Variants in KIF6 observed in about 807,000 individuals in gnomAD.
KIF6 encodes the protein kinesin family member 6.
A neutral mutation model predicts 112.7 loss-of-function variants in KIF6; 106 were observed. The observed-to-expected ratio is 0.94, with a 90% CI of 0.80 to 1.11. The LOEUF (loss-of-function observed/expected upper bound fraction) is 1.11, where lower values mean the gene tolerates loss of function less well. Among genes scored for constraint, KIF6 ranks in the 50% least tolerant of loss-of-function variants. KIF6 has a pLI of 0.00. For synonymous variants in KIF6, 339 were observed against 339.9 expected (o/e 1.00, Z 0.03); for missense variants, 929 against 964.0 (o/e 0.96, Z 0.48).
At chr6:39,652,346 C>T (rs1376053154) in intron 3 of KIF6, among the ~76,000 whole-genome samples, 5 of 151,952 alleles carry the variant, frequency 3.3e-5, no homozygotes, top group African/African-American at 1.2e-4. Flanking sequence ...CTGACCAACA[C>T]GGTGAAACCC....
At chr6:39,363,441 C>T (rs553760600) in intron 16 of KIF6, among the ~76,000 whole-genome samples, 1 of 152,086 alleles carries the variant, frequency 6.6e-6, no homozygotes, top group South Asian at 2.1e-4. Flanking sequence ...CTGCGTGTGT[C>T]TGCGTCCCTG....
chr6:39,454,830 A>G (rs10947813), intron 13 of KIF6, among the ~76,000 whole-genome samples: 8,137 of 152,040 alleles, frequency 0.054, 408 homozygotes, highest in East Asian at 0.24. Flanking sequence ...AAAACGGCGC[A>G]CCACGAGACT....
intron 7 of KIF6, among the ~76,000 whole-genome samples, chr6:39,593,636 A>G (rs1465586091): frequency 6.6e-6 from 1 of 152,216 alleles, no homozygotes; most frequent in Non-Finnish European, 1.5e-5. Flanking sequence ...TCGGTTACAG[A>G]GACCAAGGGG....
chr6:39,428,981 G>A (rs1005743781), intron 14 of KIF6, among the ~76,000 whole-genome samples: 4 of 152,198 alleles, frequency 2.6e-5, no homozygotes, highest in Non-Finnish European at 2.9e-5. Context: ...AAACATGCAC[G>A]AGAACTTCTT....
chr6:39,526,377 C>T (rs1055264241), intron 13 of KIF6, among the ~76,000 whole-genome samples: 16 of 152,188 alleles, frequency 1.1e-4, no homozygotes, highest in African/African-American at 3.4e-4. Flanking sequence ...CAGAAACCCT[C>T]AACTATCCAG....
chr6:39,677,455 A>G (rs181197748), intron 3 of KIF6, among the ~76,000 whole-genome samples: 1 of 152,250 alleles, frequency 6.6e-6, no homozygotes, highest in East Asian at 1.9e-4. Flanking sequence ...CCAAATGGAT[A>G]AACGTGGAAT....
At chr6:39,390,215 A>T (rs1471379705) in intron 15 of KIF6, among the ~76,000 whole-genome samples, 1 of 152,118 alleles carries the variant, frequency 6.6e-6, no homozygotes, top group Non-Finnish European at 1.5e-5. Flanking sequence ...ATATCTCAAG[A>T]TCTTTCAGAG....
intron 15 of KIF6, among the ~76,000 whole-genome samples, chr6:39,401,277 CCT>C (rs1172088180): frequency 3.3e-5 from 5 of 152,232 alleles, no homozygotes; most frequent in Admixed American, 6.5e-5. Context: ...CTCCCATTTT[CCT>C]CTGTCTTCTT....
At chr6:39,653,475 T>C (rs929661697) in intron 3 of KIF6, among the ~76,000 whole-genome samples, 1 of 152,166 alleles carries the variant, frequency 6.6e-6, no homozygotes, top group Non-Finnish European at 1.5e-5. Context: ...TACCAGAGAC[T>C]TGGGGCACAG....
At position 39,588,358 on chromosome 6, in the gene KIF6, C is replaced by T. The variant is rs373129565; in HGVS notation, c.847-1954G>A. Among the ~76,000 whole-genome samples, 96 of 152,152 alleles carry T rather than the reference C, an allele frequency of 6.3e-4. No individual in the cohort carries two copies. In the East Asian group the frequency reaches 0.017, roughly 27 times the overall value. ...CCTCCGGAGTAGCTGGGATTACAGGCGTGCACCACCACACCCAGCTAATTT... is the reference window on the plus strand; with the variant it reads ...CCTCCGGAGTAGCTGGGATTACAGGTGTGCACCACCACACCCAGCTAATTT... On this transcript the variant is annotated intron_variant, in intron 7 of 22. Transcript: ENST00000287152.
chr6:39,362,631 G>A, intron 16 of KIF6, 113 bp from the exon 17 acceptor site: 1 of 812,572 alleles, frequency 1.2e-6, no homozygotes, highest in South Asian at 1.5e-5. Context: ...GAGCCTCTGT[G>A]AGTTCCTTCT....
At chr6:39,565,270 C>T (rs955309539) in intron 10 of KIF6, among the ~76,000 whole-genome samples, 2 of 152,130 alleles carry the variant, frequency 1.3e-5, no homozygotes, top group African/African-American at 2.4e-5. Flanking sequence ...TGATCATTTA[C>T]TTGCCTTAAT....
intron 5 of KIF6, among the ~76,000 whole-genome samples, chr6:39,624,382 T>C (rs1783984370): frequency 6.6e-6 from 1 of 152,224 alleles, no homozygotes; most frequent in Non-Finnish European, 1.5e-5. Context: ...AGTTGAGCTA[T>C]AATAGACGTG....
intron 14 of KIF6, among the ~76,000 whole-genome samples, chr6:39,429,625 T>G (rs1158486802): frequency 6.6e-6 from 1 of 152,192 alleles, no homozygotes; most frequent in Non-Finnish European, 1.5e-5. Context: ...AAAAATGTTT[T>G]TAGGCCAGGC....
intron 3 of KIF6, among the ~76,000 whole-genome samples, chr6:39,703,630 A>T (rs1023711952): frequency 6.6e-6 from 1 of 152,210 alleles, no homozygotes; most frequent in African/African-American, 2.4e-5. Flanking sequence ...GTATAAAAGT[A>T]AGGCTCAAAT....
In KIF6 at chr6:39,333,784, G is replaced by A. The variant is rs959001875; in HGVS notation, c.*2748C>T. On this transcript the variant is annotated 3_prime_UTR_variant, in exon 23 of 23. Transcript: ENST00000287152. Reference sequence around the variant, plus strand: ...CTCCGTCCACCCTACTTCTTGTCAAGGGATTGGTAGAGCCAGTTGAATTCT... The same window carrying A: ...CTCCGTCCACCCTACTTCTTGTCAAAGGATTGGTAGAGCCAGTTGAATTCT... The A allele has an allele frequency of 4.6e-5, 7 of 152,208 alleles. No homozygotes were observed. The highest frequency in any genetic ancestry group is 1.4e-4 in the African/African-American group (6 of 41,442). 9.4% of individuals were successfully genotyped at this position (152,208 alleles called of 1,614,324 possible). A position where few individuals can be genotyped will look rare whatever the true frequency, so the allele number is the denominator to read the frequency against.
At position 39,342,616 on chromosome 6, in the gene KIF6, TTTTTATTTTTTTTTA is replaced by T. The variant is rs1389141376; in HGVS notation, c.2428+1078_2428+1092del. The stretch of plus-strand genomic sequence containing the variant: ...CCAGTTTTTTATTTTTTTTTATTTT[TTTTTATTTTTTTTTA>T]TTTTTAGACAAGGAAACTGAGAATG... On this transcript the variant is annotated intron_variant, in intron 22 of 22. Coordinates refer to ENST00000287152, the MANE Select transcript of KIF6 (RefSeq NM_145027.6). The surrounding 1 kb of genome is among the most constrained non-coding windows in gnomAD (Gnocchi z 4.7). Among the ~76,000 whole-genome samples, 27 of 132,602 alleles carry T rather than the reference TTTTTATTTTTTTTTA, an allele frequency of 2.0e-4. 2 individuals are homozygous for T. Among genetic ancestry groups the T allele is most frequent in the African/African-American group, 7.4e-4 (21 of 28,308 alleles). The allele number at this position is 132,602 out of a possible 152,430, so 87.0% of individuals were successfully genotyped here. A position where few individuals can be genotyped will look rare whatever the true frequency, so the allele number is the denominator to read the frequency against.
chr6:39,587,133 A>G (rs1392365736), intron 7 of KIF6, among the ~76,000 whole-genome samples: 1 of 152,244 alleles, frequency 6.6e-6, no homozygotes, highest in African/African-American at 2.4e-5. Flanking sequence ...AGATAGATGG[A>G]TGGCAGATGG....
At chr6:39,350,548 G>A (rs898813482) in intron 19 of KIF6, among the ~76,000 whole-genome samples, 1 of 152,156 alleles carries the variant, frequency 6.6e-6, no homozygotes, top group Non-Finnish European at 1.5e-5. Context: ...CAAAGGCTAC[G>A]AGATATTATT....
Sources: allele counts gnomAD v4.1 joint callset (sites outside exome capture counted in the v4.1 genomes callset), GRCh38; gene constraint gnomAD v4.1.1; non-coding constraint Gnocchi (gnomAD v3.1); transcripts MANE v1.5; gene names NCBI Gene and HGNC (gene_info 2026-07-23, HGNC 2026-07-21).